Variants in WDFY2 observed in about 807,000 individuals in gnomAD.
WDFY2 encodes the protein WD repeat and FYVE domain-containing protein 2.
WDFY2 carries 36 observed loss-of-function variants against 56.4 expected under a neutral mutation model. The ratio of observed to expected loss-of-function variants is 0.64; its 90% CI spans 0.49 to 0.84. The LOEUF is 0.84. Ranked by LOEUF, WDFY2 falls within the 40% of genes least tolerant of loss-of-function variation. The pLI, the probability that WDFY2 is intolerant of heterozygous loss-of-function variation, is 0.00. For missense variants in WDFY2, 444 were observed against 512.2 expected (o/e 0.87, Z 1.29); for synonymous variants, 176 against 183.7 (o/e 0.96, Z 0.34).
intron 2 of WDFY2, among the ~76,000 whole-genome samples, chr13:51,668,352 C>G (rs1418530240): frequency 6.6e-6 from 1 of 152,086 alleles, no homozygotes; most frequent in African/African-American, 2.4e-5. Flanking sequence ...TAACTTAAAA[C>G]TTGTCTGGGA....
intron 3 of WDFY2, among the ~76,000 whole-genome samples, chr13:51,692,778 C>T (rs1377710973): frequency 1.3e-4 from 20 of 152,134 alleles, no homozygotes; most frequent in Non-Finnish European, 1.5e-4. Flanking sequence ...GGTACCAGTT[C>T]CTCCTTGTAC....
intron 7 of WDFY2, among the ~76,000 whole-genome samples, chr13:51,746,259 A>G (rs1236135701): frequency 6.6e-6 from 1 of 152,122 alleles, no homozygotes; most frequent in Non-Finnish European, 1.5e-5. Context: ...GACTTTTCAA[A>G]GCCTCTAAAA....
chr13:51,702,979 T>C (rs928697436), intron 3 of WDFY2, among the ~76,000 whole-genome samples: 4 of 152,136 alleles, frequency 2.6e-5, no homozygotes, highest in African/African-American at 9.7e-5. Flanking sequence ...CCACCAAGGG[T>C]ATATATAATG....
At chr13:51,756,206 GCT>G (rs1953375616) in intron 9 of WDFY2, 124 bp from the exon 10 acceptor site, 2 of 1,365,674 alleles carry the variant, frequency 1.5e-6, no homozygotes, top group East Asian at 4.7e-5. Flanking sequence ...TAGTTCTGGG[GCT>G]CTCTTGTTCA....
chr13:51,682,315 ATAATC>A (rs907842978), intron 3 of WDFY2, among the ~76,000 whole-genome samples: 1 of 152,182 alleles, frequency 6.6e-6, no homozygotes, highest in Non-Finnish European at 1.5e-5. Flanking sequence ...TTATATCTAA[ATAATC>A]TATCTCCCCT....
chr13:51,601,782 C>T (rs1373941332), intron 1 of WDFY2, among the ~76,000 whole-genome samples: 1 of 152,176 alleles, frequency 6.6e-6, no homozygotes, highest in African/African-American at 2.4e-5. Context: ...TTCTACTCCA[C>T]CTCACGATAC....
chr13:51,720,402 A>C (rs1343412696), intron 5 of WDFY2, among the ~76,000 whole-genome samples: 1 of 152,226 alleles, frequency 6.6e-6, no homozygotes, highest in African/African-American at 2.4e-5. Context: ...AAGGATGATA[A>C]GGAATGGCAG....
chr13:51,675,688 T>G (rs1360559708), intron 3 of WDFY2, among the ~76,000 whole-genome samples: 1 of 152,326 alleles, frequency 6.6e-6, no homozygotes, highest in East Asian at 1.9e-4. Context: ...TCCTTCTGCT[T>G]CTTGTTTTTT....
chr13:51,593,904 A>C (rs1021569497), intron 1 of WDFY2: 3 of 152,204 alleles, frequency 2.0e-5, no homozygotes, highest in African/African-American at 7.2e-5. Context: ...AATTTATTTT[A>C]AAAATTTTAA....
At chr13:51,731,382 A>G (rs1362847979) in intron 6 of WDFY2, among the ~76,000 whole-genome samples, 1 of 152,250 alleles carries the variant, frequency 6.6e-6, no homozygotes, top group African/African-American at 2.4e-5. Context: ...CTGATACGAA[A>G]TATGACCTTG....
At chr13:51,729,376 T>G (rs1952673212) in intron 6 of WDFY2, among the ~76,000 whole-genome samples, 1 of 151,144 alleles carries the variant, frequency 6.6e-6, no homozygotes. Flanking sequence ...TCTCATTCCT[T>G]GCCTCTTCCT....
At chr13:51,746,944 A>T (rs568537466) in intron 7 of WDFY2, among the ~76,000 whole-genome samples, 6 of 152,258 alleles carry the variant, frequency 3.9e-5, no homozygotes, top group Non-Finnish European at 8.8e-5. Context: ...ATCCAGACTA[A>T]AAAGGGTCCA....
chr13:51,751,346 G>A lies in WDFY2; in HGVS notation c.762G>A (p.Thr254=), dbSNP rs763060000. ...RVQALSYAQH[T]RQLISCGGDG... ...AGGCCCTCTCCTATGCACAGCACAC[G>A]CGACAATTGATCTCCTGTGGCGGTG... The change falls in exon 8 of 12, where the codon ACG becomes ACA. Residue 254 remains threonine, a synonymous_variant. Coordinates refer to ENST00000298125, the MANE Select transcript of WDFY2 (RefSeq NM_052950.4). The A allele has an allele frequency of 1.4e-5, 22 of 1,613,854 alleles. No homozygotes were observed. Among genetic ancestry groups the A allele is most frequent in the Middle Eastern group, 1.6e-4 (1 of 6,082 alleles).
chr13:51,711,321 A>G (rs1172513684), intron 4 of WDFY2, among the ~76,000 whole-genome samples: 7 of 152,234 alleles, frequency 4.6e-5, no homozygotes, highest in Non-Finnish European at 8.8e-5. Context: ...CGTTAGACCT[A>G]AAACCATAAA....
chr13:51,735,243 C>T (rs1179978034), intron 6 of WDFY2, among the ~76,000 whole-genome samples: 1 of 152,226 alleles, frequency 6.6e-6, no homozygotes, highest in African/African-American at 2.4e-5. Context: ...CTCTCTGCCA[C>T]TCAATGCAGC....
intron 10 of WDFY2, among the ~76,000 whole-genome samples, chr13:51,757,327 A>G (rs1953418161): frequency 6.6e-6 from 1 of 152,212 alleles, no homozygotes; most frequent in Non-Finnish European, 1.5e-5. Flanking sequence ...TTAATTCTTC[A>G]TTTTGTAGCT....
intron 6 of WDFY2, among the ~76,000 whole-genome samples, chr13:51,737,551 T>TTAAA (rs1952866905): frequency 1.9e-5 from 1 of 53,246 alleles, no homozygotes; most frequent in Non-Finnish European, 3.2e-5. Flanking sequence ...ACAATGAATT[T>TTAAA]AAAAAAAAAA....
chr13:51,687,263 A>G (rs1206526471), intron 3 of WDFY2, among the ~76,000 whole-genome samples: 1 of 151,970 alleles, frequency 6.6e-6, no homozygotes, highest in African/African-American at 2.4e-5. Flanking sequence ...ACATCAAAAT[A>G]TACCCTCCCC....
At chr13:51,689,057 A>G (rs1490999529) in intron 3 of WDFY2, among the ~76,000 whole-genome samples, 1 of 152,210 alleles carries the variant, frequency 6.6e-6, no homozygotes, top group African/African-American at 2.4e-5. Flanking sequence ...CATTCACTGA[A>G]TAACTTCCAA....
Sources: gnomAD v4.1 joint callset for allele counts (sites outside exome capture counted in the v4.1 genomes callset) on GRCh38, gnomAD v4.1.1 for gene constraint, MANE v1.5 for transcripts, NCBI Gene and HGNC (gene_info 2026-07-23, HGNC 2026-07-21) for gene names.